Variants in ERCC2 observed in about 807,000 individuals in gnomAD.
ERCC2 encodes the protein general transcription and DNA repair factor IIH helicase subunit XPD.
Under a neutral mutation model 99.4 loss-of-function variants are expected in ERCC2, and 90 were observed. That is an observed-to-expected ratio of 0.91 (90% CI 0.76 to 1.08). ERCC2 has a LOEUF of 1.08. Among genes scored for constraint, ERCC2 ranks in the 50% least tolerant of loss-of-function variants. The probability of loss-of-function intolerance (pLI) is 0.00; values close to 1 mark genes in which losing one functional copy is unlikely to be tolerated. For missense variants in ERCC2, 993 were observed against 1,038.1 expected (o/e 0.96, Z 0.60); for synonymous variants, 497 against 432.4 (o/e 1.15, Z -1.85).
At chr19:45,355,201 A>G (rs1971971988) in intron 16 of ERCC2, among the ~76,000 whole-genome samples, 1 of 152,254 alleles carries the variant, frequency 6.6e-6, no homozygotes, top group Non-Finnish European at 1.5e-5. Context: ...TACTAAAAAT[A>G]CAAAAATTAG....
Position 45,363,432 on chromosome 19 carries a change from C to T in ERCC2, c.1118+311G>A, listed in dbSNP as rs545039876. On this transcript the variant is annotated intron_variant, in intron 11 of 22. Transcript: ENST00000391945. The stretch of plus-strand genomic sequence containing the variant: ...CTGGCTTAGCTCCCAGCTCTCACCT[C>T]CCACCCTCCTTGGCTCCTCCCCCAG... Among the ~76,000 whole-genome samples the T allele has an allele frequency of 2.3e-4, 35 of 152,304 alleles. No homozygotes were observed. The South Asian group carries it at 5.0e-3, about 22-fold the overall frequency.
In ERCC2 at chr19:45,364,533, A is replaced by G. The variant is rs763109326; in HGVS notation, c.609T>C (p.Asn203=). 3.1e-5 allele frequency: 50 copies of G among 1,613,304 alleles called. No individual in the cohort carries two copies. Among genetic ancestry groups the G allele is most frequent in the Non-Finnish European group, 4.2e-5 (49 of 1,180,006 alleles). Residue 203 remains asparagine (N), a synonymous_variant, in exon 8 of 23, where the codon AAT becomes AAC. Transcript: ENST00000391945. ...GGTAGTGGTAGCTATAAACCACCAC[A>G]TTGGCATGCAGGATCTGGGGGGCCG... The part of the protein sequence containing the change: ...FLARYSILHA[N]VVVYSYHYLL...
Position 45,350,444 on chromosome 19 carries a change from C to A in ERCC2, c.*1185G>T. The A allele has an allele frequency of 1.9e-6, 3 of 1,613,470 alleles. No homozygotes were observed. Among genetic ancestry groups the A allele is most frequent in the Non-Finnish European group, 2.5e-6 (3 of 1,179,548 alleles). ...CCCGCCCCTCTCGGTGAGCCCCTAG[C>A]CCCTGTCTGTCTTCCCTCCTGGTGG... On this transcript the variant is annotated 3_prime_UTR_variant, in exon 23 of 23. Transcript: ENST00000391945.
At chr19:45,366,672 A>G (rs1972434973) in intron 5 of ERCC2, among the ~76,000 whole-genome samples, 1 of 152,152 alleles carries the variant, frequency 6.6e-6, no homozygotes, top group East Asian at 1.9e-4. Context: ...TCCTACGCCA[A>G]AAGGAAAGCT....
chr19:45,352,935 G>T lies in ERCC2; in HGVS notation c.1832-119C>A, dbSNP rs993340822. 11 of 1,227,292 alleles carry T rather than the reference G, an allele frequency of 9.0e-6. No homozygotes were observed. In the Admixed American group the frequency reaches 1.2e-4, roughly 14 times the overall value. 76.0% of individuals were successfully genotyped at this position (1,227,292 alleles called of 1,614,324 possible). A position where few individuals can be genotyped will look rare whatever the true frequency, so the allele number is the denominator to read the frequency against. On this transcript the variant is annotated intron_variant, in intron 19 of 22. Transcript: ENST00000391945. ...GGGGGGAGAGGGTGTGTTCCCGCCGGGTGCCTAGGGACAGAGGGGAGGGGA... is the reference window on the plus strand; with the variant it reads ...GGGGGGAGAGGGTGTGTTCCCGCCGTGTGCCTAGGGACAGAGGGGAGGGGA...
chr19:45,350,807 A>AC lies in ERCC2; in HGVS notation c.*821dup, dbSNP rs1211028121. ...ATCAGCAGAATCCACAGCCCACCCCACCCCCACCCCCATCTTGCTCAAGAA... is the reference window on the plus strand; with the variant it reads ...ATCAGCAGAATCCACAGCCCACCCCACCCCCCACCCCCATCTTGCTCAAGAA... On this transcript the variant is annotated 3_prime_UTR_variant, in exon 23 of 23. Transcript: ENST00000391945. 2.0e-4 allele frequency: 106 copies of AC among 535,970 alleles called. No individual in the cohort carries two copies. In the African/African-American group the frequency reaches 2.8e-3, roughly 14 times the overall value. The allele number at this position is 535,970 out of a possible 1,614,324, so 33.2% of individuals were successfully genotyped here. A position where few individuals can be genotyped will look rare whatever the true frequency, so the allele number is the denominator to read the frequency against.
In ERCC2 at chr19:45,353,301, G is replaced by A; in HGVS notation, c.1699C>T (p.Leu567Phe). Residue 567 changes from leucine to phenylalanine, a missense_variant, in exon 18 of 23, where the codon CTC becomes TTC. By Grantham distance (22) the Leu-to-Phe change is conservative. Coordinates refer to ENST00000391945, the MANE Select transcript of ERCC2 (RefSeq NM_000400.4). ...GCACCATCCTGGGTCTCAATAAAGA[G>A]CAGCTTGTTCCTCTGGATGTTCTCA... ...ILENIQRNKL[L>F]FIETQDGAET... is the part of the protein sequence containing the mutation. 2.5e-6 allele frequency: 4 copies of A among 1,614,062 alleles called. No homozygotes were observed. The highest frequency in any genetic ancestry group is 2.2e-5 in the South Asian group (2 of 91,078).
intron 5 of ERCC2, 75 bp from the exon 6 acceptor site, chr19:45,365,233 TC>T: frequency 9.0e-7 from 1 of 1,116,024 alleles, no homozygotes; most frequent in Non-Finnish European, 1.4e-6. Flanking sequence ...TCTCCACACC[TC>T]CCAGCTGGCT....
At chr19:45,360,855 G>A (rs1972195452) in intron 12 of ERCC2, among the ~76,000 whole-genome samples, 1 of 151,966 alleles carries the variant, frequency 6.6e-6, no homozygotes, top group Non-Finnish European at 1.5e-5. Flanking sequence ...ACTCTGGGCC[G>A]GGCATGGTGG....
At chr19:45,366,945 G>T (rs554961783) in intron 5 of ERCC2, among the ~76,000 whole-genome samples, 1 of 152,132 alleles carries the variant, frequency 6.6e-6, no homozygotes, top group Admixed American at 6.6e-5. Context: ...TGAGGCAGAA[G>T]AATCACTTGA....
intron 17 of ERCC2, among the ~76,000 whole-genome samples, chr19:45,353,806 A>C (rs937632248): frequency 5.3e-5 from 8 of 152,180 alleles, no homozygotes; most frequent in African/African-American, 1.9e-4. Flanking sequence ...TGGAACCAAA[A>C]AATGAACCTT....
Position 45,350,589 on chromosome 19 carries a change from TGGGGACTGCATGGGCCTG to T in ERCC2, c.*1022_*1039del, listed in dbSNP as rs772036328. Reference sequence around the variant, plus strand: ...TGTGCTTCGGCTCCTGGGGTGGGCGTGGGGACTGCATGGGCCTGGGGGACTGAGCAGCATCCCCGGCCC... The same window carrying T: ...TGTGCTTCGGCTCCTGGGGTGGGCGTGGGGACTGAGCAGCATCCCCGGCCC... On this transcript the variant is annotated 3_prime_UTR_variant, in exon 23 of 23. Coordinates refer to ENST00000391945, the MANE Select transcript of ERCC2 (RefSeq NM_000400.4). The T allele has an allele frequency of 1.5e-5, 24 of 1,613,374 alleles. 1 individual carries two copies. Among genetic ancestry groups the T allele is most frequent in the Admixed American group, 3.3e-5 (2 of 59,956 alleles).
chr19:45,350,786 G>T lies in ERCC2; in HGVS notation c.*843C>A. ...AGGTCGGCAAAGAGCCCTGACATCA[G>T]CAGAATCCACAGCCCACCCCACCCC... On this transcript the variant is annotated 3_prime_UTR_variant, in exon 23 of 23. Coordinates refer to ENST00000391945, the MANE Select transcript of ERCC2 (RefSeq NM_000400.4). 6.4e-7 allele frequency: 1 copy of T among 1,562,670 alleles called. No homozygotes were observed. Among genetic ancestry groups the T allele is most frequent in the Non-Finnish European group, 8.7e-7 (1 of 1,146,282 alleles).
At position 45,364,866 on chromosome 19, in the gene ERCC2, C is replaced by T. The variant is rs779345223; in HGVS notation, c.566G>A (p.Trp189Ter). The change falls in exon 7 of 23, where the codon TGG becomes TAG. Residue 189 changes from tryptophan (W) to a stop codon, truncating the protein, a stop_gained. Coordinates refer to ENST00000391945, the MANE Select transcript of ERCC2 (RefSeq NM_000400.4). LOFTEE classifies it high-confidence loss of function. ...GTATCGAGCAAGGAAGTATGGGCAC[C>T]AGCCCTGGCGCCGCCCCAGGGCCTT... Reference protein sequence around the residue: ...DLKALGRRQGWCPYFLARYSI... With the variant: ...DLKALGRRQG 5 of 1,613,740 alleles carry T rather than the reference C, an allele frequency of 3.1e-6. No homozygotes were observed.
chr19:45,356,357 G>A (rs910921371), intron 15 of ERCC2, among the ~76,000 whole-genome samples: 4 of 152,250 alleles, frequency 2.6e-5, no homozygotes, highest in East Asian at 3.9e-4. Context: ...GCCCTGCCCC[G>A]AGTCTCTCCA....
At chr19:45,356,020 G>A (rs1440917947) in intron 15 of ERCC2, among the ~76,000 whole-genome samples, 2 of 152,116 alleles carry the variant, frequency 1.3e-5, no homozygotes, top group Non-Finnish European at 2.9e-5. Context: ...TATCTGCATT[G>A]CACAAATGAC....
chr19:45,358,010 C>G, intron 12 of ERCC2: 1 of 495,054 alleles, frequency 2.0e-6, no homozygotes, highest in Non-Finnish European at 3.7e-6. Flanking sequence ...ACGCCAAAGC[C>G]AGGAGCCAGA....
intron 2 of ERCC2, 30 bp downstream of exon 2, chr19:45,370,103 G>A: frequency 6.2e-7 from 1 of 1,610,284 alleles, no homozygotes; most frequent in South Asian, 1.1e-5. Flanking sequence ...CACCGGTCGA[G>A]TGGGCGGGTC....
rs1473876508 is a variant in ERCC2 at position 45,350,784 on chromosome 19, CAGCA to C, written c.*841_*844del. ...TCAGGTCGGCAAAGAGCCCTGACAT[CAGCA>C]GAATCCACAGCCCACCCCACCCCCA... On this transcript the variant is annotated 3_prime_UTR_variant, in exon 23 of 23. Coordinates refer to ENST00000391945, the MANE Select transcript of ERCC2 (RefSeq NM_000400.4). The C allele has an allele frequency of 6.4e-7, 1 of 1,561,724 alleles. No individual in the cohort carries two copies. Among genetic ancestry groups the C allele is most frequent in the Admixed American group, 1.8e-5 (1 of 54,578 alleles).
Sources: allele counts gnomAD v4.1 joint callset (sites outside exome capture counted in the v4.1 genomes callset), GRCh38; gene constraint gnomAD v4.1.1; transcripts MANE v1.5; gene names NCBI Gene and HGNC (gene_info 2026-07-23, HGNC 2026-07-21).